Variants in CDH17 observed in about 807,000 individuals in gnomAD.
The protein encoded by CDH17 is cadherin 17, also known as cadherin-17.
In CDH17, 67 loss-of-function variants were observed where a neutral mutation model predicts 86.3. That is an observed-to-expected ratio of 0.78 (90% CI 0.64 to 0.95). The LOEUF (loss-of-function observed/expected upper bound fraction) is 0.95. Ranked by LOEUF, CDH17 falls within the 40% of genes least tolerant of loss-of-function variation. The pLI is 0.00. For synonymous variants in CDH17, 367 were observed against 366.4 expected (o/e 1.00, Z -0.02); for missense variants, 993 against 1,017.6 (o/e 0.98, Z 0.33).
intron 1 of CDH17, among the ~76,000 whole-genome samples, chr8:94,198,896 C>T (rs1401469083): frequency 6.6e-6 from 1 of 151,852 alleles, no homozygotes; most frequent in East Asian, 1.9e-4. Context: ...CTAGTATGTC[C>T]CAGATACCGT....
chr8:94,191,199 A>C (rs1486777842), intron 2 of CDH17, among the ~76,000 whole-genome samples: 3 of 151,882 alleles, frequency 2.0e-5, no homozygotes, highest in African/African-American at 7.3e-5. Flanking sequence ...CTTTCCTGTG[A>C]CTCTTGCTGA....
intron 13 of CDH17, among the ~76,000 whole-genome samples, chr8:94,149,929 C>A (rs1416369529): frequency 6.6e-6 from 1 of 152,114 alleles, no homozygotes; most frequent in Non-Finnish European, 1.5e-5. Flanking sequence ...CAAATAATTT[C>A]ACTCCTGGAA....
exon 1 of CDH17, chr8:94,217,235 G>A (rs1814208793): frequency 6.6e-6 from 1 of 152,230 alleles, no homozygotes; most frequent in South Asian, 2.1e-4. Context: ...GGGGTGGGGG[G>A]ACTCAAGTCC....
chr8:94,198,541 G>A (rs994517562), intron 1 of CDH17, among the ~76,000 whole-genome samples: 40 of 152,168 alleles, frequency 2.6e-4, no homozygotes, highest in African/African-American at 9.2e-4. Context: ...CTTAATACAA[G>A]TAAAAATATA....
chr8:94,195,223 G>T (rs909652613), intron 1 of CDH17, among the ~76,000 whole-genome samples: 1 of 152,076 alleles, frequency 6.6e-6, no homozygotes, highest in Non-Finnish European at 1.5e-5. Flanking sequence ...AGCTAGTTTC[G>T]AATTCCTGAC....
intron 5 of CDH17, among the ~76,000 whole-genome samples, chr8:94,175,676 A>C (rs778514027): frequency 2.2e-4 from 34 of 152,120 alleles, no homozygotes; most frequent in Non-Finnish European, 4.9e-4. Context: ...TGAAGGGCTT[A>C]ATGAAGGGCT....
In CDH17 at chr8:94,163,630, C is replaced by G. The variant is rs1305721008; in HGVS notation, c.1283-1468G>C. On this transcript the variant is annotated intron_variant, in intron 10 of 17. Transcript: ENST00000027335. Reference sequence around the variant, plus strand: ...CCTGCCCACAACCTTTGCAAACAATCCCTTCTTTCAACTCTTTGAGGGGAG... The same window carrying G: ...CCTGCCCACAACCTTTGCAAACAATGCCTTCTTTCAACTCTTTGAGGGGAG... 2.6e-5 allele frequency among the ~76,000 whole-genome samples: 4 copies of G among 152,242 alleles called. No homozygotes were observed. The East Asian group carries it at 5.8e-4, about 22-fold the overall frequency.
intron 15 of CDH17, among the ~76,000 whole-genome samples, chr8:94,140,298 C>T (rs1241811387): frequency 1.4e-5 from 2 of 138,946 alleles, no homozygotes; most frequent in Non-Finnish European, 3.4e-5. Context: ...AGTGTGGTAG[C>T]TCATACGTGT....
At position 94,128,356 on chromosome 8, in the gene CDH17, C is replaced by T; in HGVS notation, c.2399-16G>A. The stretch of plus-strand genomic sequence containing the variant: ...AAAATTATACCTAAAAGAAAAAACC[C>T]AGGGTCAAATAAATGGGACCTTTTA... On this transcript the variant is annotated splice_polypyrimidine_tract_variant and intron_variant, in intron 17 of 17. Transcript: ENST00000027335. The T allele has an allele frequency of 6.7e-7, 1 of 1,501,670 alleles. No individual in the cohort carries two copies. The highest frequency in any genetic ancestry group is 9.3e-7 in the Non-Finnish European group (1 of 1,081,052). 93.0% of individuals were successfully genotyped at this position (1,501,670 alleles called of 1,614,324 possible).
At chr8:94,145,849 A>G in intron 15 of CDH17, 79 bp downstream of exon 15, 1 of 1,451,818 alleles carries the variant, frequency 6.9e-7, no homozygotes, top group Non-Finnish European at 9.4e-7. Context: ...TTTGCTGAGT[A>G]CAGCAAACCC....
intron 3 of CDH17, among the ~76,000 whole-genome samples, chr8:94,180,671 C>T (rs1320763441): frequency 2.0e-5 from 3 of 151,964 alleles, no homozygotes; most frequent in Non-Finnish European, 4.4e-5. Flanking sequence ...CTGAGGTGGG[C>T]AGTCACGAGA....
intron 17 of CDH17, among the ~76,000 whole-genome samples, 155 bp downstream of exon 17, chr8:94,130,471 A>G (rs189793593): frequency 2.4e-3 from 373 of 152,324 alleles, no homozygotes; most frequent in Non-Finnish European, 4.1e-3. Flanking sequence ...CAATCAAGAA[A>G]GTCTGATGTA....
chr8:94,194,581 G>T, intron 2 of CDH17, 54 bp downstream of exon 2: 1 of 1,203,518 alleles, frequency 8.3e-7, no homozygotes, highest in South Asian at 1.3e-5. Flanking sequence ...GGGGTAGAAA[G>T]ATAGCAGAAA....
At chr8:94,135,607 A>G (rs1812508330) in intron 15 of CDH17, among the ~76,000 whole-genome samples, 1 of 152,124 alleles carries the variant, frequency 6.6e-6, no homozygotes, top group Non-Finnish European at 1.5e-5. Flanking sequence ...CTCTTTATCC[A>G]ATTTGCCAGT....
intron 15 of CDH17, among the ~76,000 whole-genome samples, chr8:94,145,229 C>T (rs1812717445): frequency 6.6e-6 from 1 of 152,114 alleles, no homozygotes; most frequent in Non-Finnish European, 1.5e-5. Context: ...TTTGTAATAG[C>T]AAAAGTTGGA....
rs1196218174 is a variant in CDH17, at chr8:94,159,966, T to G, written c.1551+5A>C. ...CAAATTCTATTAAATAAATGGGCTA[T>G]TTACCTTTTTAATTATGACATATCC... On this transcript the variant is annotated splice_donor_5th_base_variant and intron_variant, in intron 12 of 17. Transcript: ENST00000027335. The G allele has an allele frequency of 6.3e-7, 1 of 1,598,520 alleles. No individual in the cohort carries two copies. Among genetic ancestry groups the G allele is most frequent in the African/African-American group, 1.3e-5 (1 of 74,212 alleles).
chr8:94,149,464 A>G (rs1812816864), intron 13 of CDH17, among the ~76,000 whole-genome samples: 1 of 152,200 alleles, frequency 6.6e-6, no homozygotes, highest in Non-Finnish European at 1.5e-5. Context: ...GTTGATTCCA[A>G]TAAAATGTGG....
At chr8:94,189,145 G>A (rs752079556) in intron 3 of CDH17, 42 bp downstream of exon 3, 6 of 1,327,736 alleles carry the variant, frequency 4.5e-6, no homozygotes, top group South Asian at 1.2e-5. Context: ...CACCAAGAGA[G>A]CATACAAAAT....
rs1178172999 is a variant in CDH17 at position 94,189,303 on chromosome 8, G to A, written c.52-18C>T. On this transcript the variant is annotated intron_variant, in intron 2 of 17. Transcript: ENST00000027335. ...CCAGTTGCCTGTTAAAAAAGAAAGA[G>A]AAAATTAGCATCTTGTATGAAGTGT... 2.6e-6 allele frequency: 4 copies of A among 1,558,334 alleles called. No homozygotes were observed. Among genetic ancestry groups the A allele is most frequent in the African/African-American group, 1.4e-5 (1 of 72,744 alleles).
Sources: gnomAD v4.1 joint callset for allele counts (sites outside exome capture counted in the v4.1 genomes callset) on GRCh38, gnomAD v4.1.1 for gene constraint, MANE v1.5 for transcripts, NCBI Gene and HGNC (gene_info 2026-07-23, HGNC 2026-07-21) for gene names.